Variants in ZNF385B observed in about 807,000 individuals in gnomAD.
ZNF385B encodes the protein zinc finger protein 385B.
ZNF385B carries 23 observed loss-of-function variants against 39.2 expected under a neutral mutation model. The observed-to-expected ratio is 0.59, with a 90% CI of 0.42 to 0.83. ZNF385B has a LOEUF of 0.83. Ranked by LOEUF, ZNF385B falls within the 40% of genes least tolerant of loss-of-function variation. The pLI is 0.00. For missense variants in ZNF385B, 552 were observed against 598.9 expected, an observed-to-expected ratio of 0.92 and a Z score of 0.82; for synonymous variants, 205 against 222.6, an observed-to-expected ratio of 0.92 and a Z score of 0.70.
rs555393888 is a variant in ZNF385B, at chr2:179,756,077, A to G, written c.298+13426T>C. Among the ~76,000 whole-genome samples, 4 of 152,096 alleles carry G rather than the reference A, an allele frequency of 2.6e-5. No individual in the cohort carries two copies. The South Asian group carries it at 6.3e-4, about 24-fold the overall frequency. On this transcript the variant is annotated intron_variant, in intron 3 of 9. Transcript: ENST00000410066. ...TTTTTGCAGTTTCTTCCTAGCCTCA[A>G]TGGTCTTTACAATTTGGCATGTTTT...
At chr2:179,696,688 G>T (rs1318044278) in intron 3 of ZNF385B, among the ~76,000 whole-genome samples, 2 of 151,680 alleles carry the variant, frequency 1.3e-5, no homozygotes, top group Non-Finnish European at 2.9e-5. Context: ...ATCCAGGTTT[G>T]GTTTTAATAA....
chr2:179,442,925 G>A lies in ZNF385B; in HGVS notation c.*325C>T, dbSNP rs1285146401. On this transcript the variant is annotated 3_prime_UTR_variant, in exon 10 of 10. Coordinates refer to ENST00000410066, the MANE Select transcript of ZNF385B (RefSeq NM_152520.6). ...GCCAGATCATACCCATGGAAAAATAGAGAATGGTTTTCTTTCTTTTTCTTT... is the reference window on the plus strand; with the variant it reads ...GCCAGATCATACCCATGGAAAAATAAAGAATGGTTTTCTTTCTTTTTCTTT... The A allele has an allele frequency of 7.5e-6, 3 of 398,476 alleles. No homozygotes were observed. Among genetic ancestry groups the A allele is most frequent in the African/African-American group, 6.2e-5 (3 of 48,576 alleles). The allele number at this position is 398,476 out of a possible 1,614,324, so 24.7% of individuals were successfully genotyped here.
chr2:179,744,465 T>C (rs1050877494), intron 3 of ZNF385B, among the ~76,000 whole-genome samples: 4 of 152,140 alleles, frequency 2.6e-5, no homozygotes, highest in African/African-American at 9.7e-5. Flanking sequence ...ACTAATTTCA[T>C]GCTTTCAAAA....
chr2:179,754,350 G>A (rs1407931518), intron 3 of ZNF385B, among the ~76,000 whole-genome samples: 2 of 152,266 alleles, frequency 1.3e-5, no homozygotes, highest in African/African-American at 2.4e-5. Context: ...TTTTATTGAG[G>A]ATTTTTGCAT....
At chr2:179,508,434 T>C (rs1456236033) in intron 5 of ZNF385B, among the ~76,000 whole-genome samples, 3 of 152,154 alleles carry the variant, frequency 2.0e-5, no homozygotes, top group Non-Finnish European at 2.9e-5. Flanking sequence ...CCCTCAACAA[T>C]CTTTTTCCAA....
intron 1 of ZNF385B, among the ~76,000 whole-genome samples, chr2:179,792,945 CA>C (rs1215223575): frequency 6.6e-6 from 1 of 152,138 alleles, no homozygotes; most frequent in African/African-American, 2.4e-5. Context: ...TTAAATTAAA[CA>C]GGCTGAGGGT....
At chr2:179,523,504 T>A (rs546261602) in intron 4 of ZNF385B, among the ~76,000 whole-genome samples, 2 of 152,136 alleles carry the variant, frequency 1.3e-5, no homozygotes, top group Admixed American at 6.5e-5. Context: ...TCACTAAAGG[T>A]AGGATGAATC....
chr2:179,839,428 C>A (rs1448939093), intron 1 of ZNF385B, among the ~76,000 whole-genome samples: 1 of 152,144 alleles, frequency 6.6e-6, no homozygotes, highest in Non-Finnish European at 1.5e-5. Flanking sequence ...TATCCTTATT[C>A]AAAGTTATTT....
rs901615072 is a variant in ZNF385B at position 179,605,241 on chromosome 2, AT to A, written c.299-60273del. Among the ~76,000 whole-genome samples the A allele has an allele frequency of 2.1e-3, 321 of 151,532 alleles. 3 individuals are homozygous for A. The highest frequency in any genetic ancestry group is 3.0e-3 in the Non-Finnish European group (203 of 67,780). ...TTCTCTTAGATTCACTAGAAACATG[AT>A]TTTTTTTTCAGTAAGATTTACTTTC... On this transcript the variant is annotated intron_variant, in intron 3 of 9. Transcript: ENST00000410066.
intron 3 of ZNF385B, among the ~76,000 whole-genome samples, chr2:179,690,755 G>A (rs952828142): frequency 1.1e-4 from 17 of 152,036 alleles, no homozygotes; most frequent in Non-Finnish European, 7.4e-5. Flanking sequence ...CACCTTCTTC[G>A]CAGGAGTCTT....
rs966511984 is a variant in ZNF385B at position 179,799,036 on chromosome 2, C to T, written c.-154-28364G>A. Among the ~76,000 whole-genome samples the T allele has an allele frequency of 9.2e-5, 14 of 152,000 alleles. 1 individual carries two copies. The highest frequency in any genetic ancestry group is 3.4e-4 in the African/African-American group (14 of 41,426). ...ATTTGATTTTAACCTAATCAACACA[C>T]TCCCATTTCAGGTGATTGGTAAGAG... On this transcript the variant is annotated intron_variant, in intron 1 of 9. Coordinates refer to ENST00000410066, the MANE Select transcript of ZNF385B (RefSeq NM_152520.6).
rs908568333 is a variant in ZNF385B at position 179,643,158 on chromosome 2, G to A, written c.299-98189C>T. 4.0e-5 allele frequency among the ~76,000 whole-genome samples: 6 copies of A among 150,870 alleles called. No homozygotes were observed. The South Asian group carries it at 1.3e-3, about 32-fold the overall frequency. ...TTTTTTTTGGTCAATTACAACATTCGGACTTTAAAGCAACAAGATTTTGAA... is the reference window on the plus strand; with the variant it reads ...TTTTTTTTGGTCAATTACAACATTCAGACTTTAAAGCAACAAGATTTTGAA... On this transcript the variant is annotated intron_variant, in intron 3 of 9. Transcript: ENST00000410066.
intron 3 of ZNF385B, among the ~76,000 whole-genome samples, chr2:179,624,626 T>C (rs1690499177): frequency 2.0e-5 from 3 of 152,230 alleles, no homozygotes; most frequent in Admixed American, 2.0e-4. Context: ...ATTATTCCCA[T>C]GTGCTTTGAA....
At chr2:179,619,992 T>C (rs1372470309) in intron 3 of ZNF385B, among the ~76,000 whole-genome samples, 1 of 152,194 alleles carries the variant, frequency 6.6e-6, no homozygotes, top group African/African-American at 2.4e-5. Flanking sequence ...TTTCTGACTT[T>C]TGGTGTTAAT....
chr2:179,825,183 T>A (rs1057461320), intron 1 of ZNF385B, among the ~76,000 whole-genome samples: 132 of 152,278 alleles, frequency 8.7e-4, no homozygotes, highest in African/African-American at 3.1e-3. Flanking sequence ...TGAACTGACT[T>A]GAATGGCCTT....
intron 6 of ZNF385B, among the ~76,000 whole-genome samples, chr2:179,460,476 A>C (rs1476351718): frequency 6.6e-6 from 1 of 152,188 alleles, no homozygotes; most frequent in Non-Finnish European, 1.5e-5. Context: ...AGGGGCCTGA[A>C]TTCTGCTAAG....
intron 3 of ZNF385B, among the ~76,000 whole-genome samples, chr2:179,660,335 A>C (rs537843356): frequency 2.6e-5 from 4 of 152,222 alleles, no homozygotes; most frequent in African/African-American, 4.8e-5. Flanking sequence ...CTACAGAGCC[A>C]ACAAAAATTA....
chr2:179,623,695 C>A (rs1333781547), intron 3 of ZNF385B, among the ~76,000 whole-genome samples: 1 of 152,096 alleles, frequency 6.6e-6, no homozygotes, highest in East Asian at 1.9e-4. Flanking sequence ...TGGCATGAAT[C>A]CAGGCTCTGG....
At chr2:179,672,059 G>A (rs1220340610) in intron 3 of ZNF385B, among the ~76,000 whole-genome samples, 1 of 152,210 alleles carries the variant, frequency 6.6e-6, no homozygotes, top group East Asian at 1.9e-4. Context: ...AAAGCAGTGT[G>A]GACAGGGCTG....
Sources: gnomAD v4.1 joint callset for allele counts (sites outside exome capture counted in the v4.1 genomes callset) on GRCh38, gnomAD v4.1.1 for gene constraint, MANE v1.5 for transcripts, NCBI Gene and HGNC (gene_info 2026-07-23, HGNC 2026-07-21) for gene names.